PRP4K: variants seen among roughly 807,000 people sequenced by gnomAD.
The protein encoded by PRP4K is pre-mRNA processing factor kinase PRP4K.
chr6:4,025,815 T>G, the PRP4K span, among the ~76,000 whole-genome samples: 30 of 152,322 alleles, frequency 2.0e-4, no homozygotes, highest in African/African-American at 6.7e-4. Context: ...CTGATTTTCC[T>G]TTGGGAGGGG....
the PRP4K span, among the ~76,000 whole-genome samples, chr6:4,050,965 G>A: frequency 3.3e-5 from 5 of 152,054 alleles, no homozygotes; most frequent in Non-Finnish European, 7.4e-5. Flanking sequence ...GCAGTGGCAT[G>A]GTGGCATGAT....
the PRP4K span, among the ~76,000 whole-genome samples, chr6:4,053,246 G>A: frequency 2.3e-4 from 35 of 152,266 alleles, no homozygotes; most frequent in Non-Finnish European, 4.4e-4. Context: ...TAATTTTATA[G>A]CTCCCTAAGC....
At chr6:4,031,958 G>A in the PRP4K span, 10 of 1,613,888 alleles carry the variant, frequency 6.2e-6, no homozygotes, top group Admixed American at 1.3e-4. Context: ...CTGAAGAAGA[G>A]GGGGAAATTC....
chr6:4,021,417 A>G, the PRP4K span: 1 of 1,581,582 alleles, frequency 6.3e-7, no homozygotes, highest in Non-Finnish European at 8.6e-7. Context: ...AGGAGTCAGG[A>G]AGTTCAAGAT....
the PRP4K span, among the ~76,000 whole-genome samples, chr6:4,035,893 AG>A: frequency 6.6e-6 from 1 of 152,078 alleles, no homozygotes; most frequent in African/African-American, 2.4e-5. Context: ...TGAAGCCGGG[AG>A]ACAGAGGTTG....
chr6:4,029,012 C>CTTTTTTTTTTTTTTTTTTTTTT, the PRP4K span, among the ~76,000 whole-genome samples: 10 of 132,566 alleles, frequency 7.5e-5, 2 homozygotes, highest in Middle Eastern at 4.3e-3. Flanking sequence ...TACTTGGAAT[C>CTTTTTTTTTTTTTTTTTTTTTT]TTTTTTTTTT....
chr6:4,036,344 C>T, the PRP4K span, among the ~76,000 whole-genome samples: 2,674 of 152,184 alleles, frequency 0.018, 91 homozygotes, highest in African/African-American at 0.061. Flanking sequence ...ACTTGAGCCT[C>T]CCTATTAGTT....
the PRP4K span, among the ~76,000 whole-genome samples, chr6:4,030,711 A>G: frequency 6.6e-6 from 1 of 152,228 alleles, no homozygotes; most frequent in Non-Finnish European, 1.5e-5. Context: ...TTCTCATTTG[A>G]AATTCAGAGA....
At chr6:4,032,596 G>A in the PRP4K span, 21 of 1,613,854 alleles carry the variant, frequency 1.3e-5, no homozygotes, top group African/African-American at 2.7e-5. Flanking sequence ...CCAAAACCAC[G>A]TGATAAATCA....
chr6:4,037,909 G>A, the PRP4K span, among the ~76,000 whole-genome samples: 8 of 149,434 alleles, frequency 5.4e-5, no homozygotes, highest in African/African-American at 2.0e-4. Context: ...TAAATATATA[G>A]CCCAGTTTCT....
At chr6:4,060,846 A>C in the PRP4K span, 13 of 529,758 alleles carry the variant, frequency 2.5e-5, no homozygotes, top group Non-Finnish European at 4.0e-5. This position sits in a 1 kb window ranked among gnomAD's most constrained non-coding sequence, Gnocchi z 4.7. Flanking sequence ...AGACTGCACA[A>C]AATTACAGTG....
chr6:4,042,514 A>G, the PRP4K span: 1 of 1,611,596 alleles, frequency 6.2e-7, no homozygotes, highest in Non-Finnish European at 8.5e-7. Flanking sequence ...TAGAGGAAGA[A>G]GATGAAGAAG....
chr6:4,044,859 TA>T, the PRP4K span, among the ~76,000 whole-genome samples: 183 of 115,650 alleles, frequency 1.6e-3, no homozygotes, highest in Non-Finnish European at 2.0e-3. Context: ...TTATTATTAT[TA>T]TTATTTTTTT....
chr6:4,061,285 A>G, the PRP4K span: 3 of 152,814 alleles, frequency 2.0e-5, no homozygotes, highest in Non-Finnish European at 2.9e-5. Context: ...TGGCATTGCA[A>G]CTGTGGCATA....
the PRP4K span, chr6:4,032,844 TAGTA>T: frequency 5.3e-6 from 7 of 1,317,222 alleles, no homozygotes; most frequent in African/African-American, 4.5e-5. Flanking sequence ...AAAAATGAAG[TAGTA>T]AGTAAAAATA....
chr6:4,061,609 T>C, the PRP4K span: 1 of 152,670 alleles, frequency 6.6e-6, no homozygotes, highest in African/African-American at 2.4e-5. Context: ...GTTTTTCATT[T>C]GTTCATTGTT....
chr6:4,037,911 C>T, the PRP4K span, among the ~76,000 whole-genome samples: 113 of 151,116 alleles, frequency 7.5e-4, no homozygotes, highest in African/African-American at 2.6e-3. Context: ...AATATATAGC[C>T]CAGTTTCTTA....
chr6:4,032,122 A>G, the PRP4K span: 1 of 1,613,080 alleles, frequency 6.2e-7, no homozygotes, highest in African/African-American at 1.3e-5. Flanking sequence ...AAGAAAAGTA[A>G]GGGGGGTATT....
At chr6:4,056,996 T>A in the PRP4K span, 1 of 1,491,636 alleles carries the variant, frequency 6.7e-7, no homozygotes, top group Non-Finnish European at 9.0e-7. Context: ...TCGTCAGTTT[T>A]CTCTATCCTC....
Sources: allele counts gnomAD v4.1 joint callset (sites outside exome capture counted in the v4.1 genomes callset), GRCh38; gene constraint gnomAD v4.1.1; non-coding constraint Gnocchi (gnomAD v3.1); transcripts MANE v1.5; gene names NCBI Gene and HGNC (gene_info 2026-07-23, HGNC 2026-07-21).